CS: variants seen among roughly 807,000 people sequenced by gnomAD.
The protein encoded by CS is citrate synthase, also known as citrate synthase, mitochondrial.
Under a neutral mutation model 61.4 loss-of-function variants are expected in CS, and 13 were observed. The observed-to-expected ratio is 0.21, with a 90% CI of 0.14 to 0.34. The LOEUF (loss-of-function observed/expected upper bound fraction) is 0.34. Ranked by LOEUF, CS falls within the 10% of genes least tolerant of loss-of-function variation. The probability of loss-of-function intolerance (pLI) is 1.00; values close to 1 mark genes in which losing one functional copy is unlikely to be tolerated. For missense variants in CS, 278 were observed against 573.4 expected (o/e 0.48, Z 5.26); for synonymous variants, 159 against 215.2 (o/e 0.74, Z 2.29).
intron 1 of CS, chr12:56,298,789 C>T: frequency 2.0e-6 from 1 of 501,928 alleles, no homozygotes; most frequent in Non-Finnish European, 2.6e-6. Context: ...CCTGTAATCC[C>T]AGCACTTTGG....
In CS at chr12:56,274,997, C is replaced by T. The variant is rs1357845843; in HGVS notation, c.918+5G>A. Reference sequence around the variant, plus strand: ...GTAGCAGGAAAATAAAAAGAATAGTCTTACCTGATTTGCCAGTCCATGGAG... The same window carrying T: ...GTAGCAGGAAAATAAAAAGAATAGTTTTACCTGATTTGCCAGTCCATGGAG... On this transcript the variant is annotated splice_donor_5th_base_variant and intron_variant, in intron 8 of 10. Coordinates refer to ENST00000351328, the MANE Select transcript of CS (RefSeq NM_004077.3). The T allele has an allele frequency of 6.2e-7, 1 of 1,614,094 alleles. No individual in the cohort carries two copies. Among genetic ancestry groups the T allele is most frequent in the East Asian group, 2.2e-5 (1 of 44,880 alleles).
At chr12:56,288,024 A>G (rs1050681623) in intron 1 of CS, among the ~76,000 whole-genome samples, 1 of 152,176 alleles carries the variant, frequency 6.6e-6, no homozygotes, top group Non-Finnish European at 1.5e-5. Flanking sequence ...GAGGCAAGGA[A>G]ATTAATTTTT....
At chr12:56,293,914 C>CA (rs1346537554) in intron 1 of CS, among the ~76,000 whole-genome samples, 1 of 152,182 alleles carries the variant, frequency 6.6e-6, no homozygotes, top group Non-Finnish European at 1.5e-5. Flanking sequence ...ACTTCCAATG[C>CA]AGAAGGAACA....
intron 7 of CS, 110 bp downstream of exon 7, chr12:56,275,883 GTCT>G: frequency 1.1e-6 from 1 of 934,922 alleles, no homozygotes; most frequent in Non-Finnish European, 1.7e-6. Context: ...CCACGTTTCT[GTCT>G]TCTTGCTGCC....
In CS at chr12:56,271,870, C is replaced by G. The variant is rs1287607617; in HGVS notation, c.*1214G>C. On this transcript the variant is annotated 3_prime_UTR_variant, in exon 11 of 11. Transcript: ENST00000351328. ...GTTTGGAGGAAAGATGGGGGCACAG[C>G]AGGAGTGTATCTTAATCCTTTCTCA... The G allele has an allele frequency of 4.4e-6, 2 of 456,326 alleles. No individual in the cohort carries two copies. Among genetic ancestry groups the G allele is most frequent in the African/African-American group, 4.0e-5 (2 of 50,160 alleles). The allele number at this position is 456,326 out of a possible 1,614,324, so 28.3% of individuals were successfully genotyped here. A position where few individuals can be genotyped will look rare whatever the true frequency, so the allele number is the denominator to read the frequency against.
intron 6 of CS, among the ~76,000 whole-genome samples, chr12:56,279,035 A>G (rs1872701282): frequency 6.6e-6 from 1 of 152,100 alleles, no homozygotes; most frequent in African/African-American, 2.4e-5. Flanking sequence ...TTGGCCTCCC[A>G]AAGTGCTGGG....
intron 2 of CS, 160 bp from the exon 3 acceptor site, chr12:56,286,183 G>C: frequency 1.6e-6 from 1 of 610,970 alleles, no homozygotes; most frequent in Non-Finnish European, 2.9e-6. Context: ...ATTAGGCAGG[G>C]GGAAGAAGGA....
At chr12:56,291,224 A>G (rs772531119) in intron 1 of CS, 12 of 1,170,540 alleles carry the variant, frequency 1.0e-5, no homozygotes, top group Non-Finnish European at 1.3e-5. Context: ...ACCTACCATC[A>G]AGTGTCAGAA....
chr12:56,289,449 AT>A (rs565695428), intron 1 of CS, among the ~76,000 whole-genome samples: 6,836 of 148,152 alleles, frequency 0.046, 522 homozygotes, highest in African/African-American at 0.16. Flanking sequence ...AATTTAATTA[AT>A]TTTTTTTTTT....
At chr12:56,296,913 T>G (rs1873324175) in intron 1 of CS, among the ~76,000 whole-genome samples, 3 of 152,130 alleles carry the variant, frequency 2.0e-5, no homozygotes, top group African/African-American at 2.4e-5. Flanking sequence ...TTTAAAAAAT[T>G]TGGGCTTTAA....
chr12:56,287,500 AAAAAAAAAAAG>A (rs1872977435), intron 1 of CS, among the ~76,000 whole-genome samples: 2 of 148,690 alleles, frequency 1.3e-5, no homozygotes, highest in Non-Finnish European at 3.0e-5. Flanking sequence ...AAAAAAAAAA[AAAAAAAAAAAG>A]AGAGAGAGAG....
At chr12:56,279,357 G>A (rs1383000577) in intron 6 of CS, among the ~76,000 whole-genome samples, 2 of 151,780 alleles carry the variant, frequency 1.3e-5, no homozygotes, top group Non-Finnish European at 3.0e-5. Context: ...GCTCAAGAAG[G>A]CTGGGCACCA....
chr12:56,296,437 C>G (rs565616267), intron 1 of CS, among the ~76,000 whole-genome samples: 3 of 152,072 alleles, frequency 2.0e-5, no homozygotes, highest in Non-Finnish European at 4.4e-5. Flanking sequence ...GCCCCACCCC[C>G]CAAAAAAAAC....
At chr12:56,293,197 T>G (rs996156370) in intron 1 of CS, among the ~76,000 whole-genome samples, 1 of 152,228 alleles carries the variant, frequency 6.6e-6, no homozygotes, top group African/African-American at 2.4e-5. Context: ...GTTCCACATC[T>G]AGCACCCTCA....
chr12:56,284,333 A>C (rs1183980237), intron 3 of CS, among the ~76,000 whole-genome samples: 1 of 150,798 alleles, frequency 6.6e-6, no homozygotes, highest in African/African-American at 2.4e-5. Flanking sequence ...AAAAAAAAAA[A>C]AAAAGAAAAA....
In CS at chr12:56,294,626, G is replaced by C. The variant is rs962490103; in HGVS notation, c.42+5534C>G. 4.0e-5 allele frequency among the ~76,000 whole-genome samples: 6 copies of C among 151,714 alleles called. No individual in the cohort carries two copies. The East Asian group carries it at 7.8e-4, about 20-fold the overall frequency. On this transcript the variant is annotated intron_variant, in intron 1 of 10. Coordinates refer to ENST00000351328, the MANE Select transcript of CS (RefSeq NM_004077.3). ...CTGTCACCCAGGCTGGAGTGCAGTG[G>C]TGCGATCTCGGCTCACTGAAACCTC...
chr12:56,284,948 CTT>C (rs544119115), intron 3 of CS, among the ~76,000 whole-genome samples: 2 of 140,696 alleles, frequency 1.4e-5, no homozygotes, highest in Non-Finnish European at 1.6e-5. Flanking sequence ...CAAGGCTGAT[CTT>C]TTTTTTTTTC....
intron 6 of CS, among the ~76,000 whole-genome samples, chr12:56,279,514 C>T (rs538612980): frequency 6.6e-6 from 1 of 152,092 alleles, no homozygotes; most frequent in South Asian, 2.1e-4. Flanking sequence ...CGCCTGTAAT[C>T]CCAGCACTTT....
intron 1 of CS, among the ~76,000 whole-genome samples, chr12:56,286,915 G>A (rs188144866): frequency 2.7e-4 from 41 of 152,280 alleles, no homozygotes; most frequent in Middle Eastern, 3.4e-3. Context: ...AGAGCAGGGC[G>A]GTTATCAATA....
Sources: allele counts gnomAD v4.1 joint callset (sites outside exome capture counted in the v4.1 genomes callset), GRCh38; gene constraint gnomAD v4.1.1; transcripts MANE v1.5; gene names NCBI Gene and HGNC (gene_info 2026-07-23, HGNC 2026-07-21).